The following ANKRD28 variants were observed in gnomAD, a reference collection of about 807,000 sequenced individuals.
ANKRD28 encodes the protein serine/threonine-protein phosphatase 6 regulatory ankyrin repeat subunit A.
Under a neutral mutation model 126.5 loss-of-function variants are expected in ANKRD28, and 44 were observed. That is an observed-to-expected ratio of 0.35 (90% CI 0.27 to 0.45). The LOEUF is 0.45. Among genes scored for constraint, ANKRD28 ranks in the 20% least tolerant of loss-of-function variants. ANKRD28 has a pLI of 1.00. For synonymous variants in ANKRD28, 442 were observed against 468.5 expected, an observed-to-expected ratio of 0.94 and a Z score of 0.73; for missense variants, 1,110 against 1,316.6, an observed-to-expected ratio of 0.84 and a Z score of 2.43.
chr3:15,711,361 C>T (rs1291346737), intron 11 of ANKRD28, 87 bp from the exon 12 acceptor site: 8 of 1,115,338 alleles, frequency 7.2e-6, no homozygotes, highest in Admixed American at 2.0e-5. Flanking sequence ...ATCACATCCT[C>T]CCCTCCAATC....
At chr3:15,809,160 CCTTA>C (rs1192907682) in intron 1 of ANKRD28, among the ~76,000 whole-genome samples, 1 of 152,168 alleles carries the variant, frequency 6.6e-6, no homozygotes, top group Admixed American at 6.5e-5. Flanking sequence ...AGTAGCCTTC[CCTTA>C]CTTCATCTCC....
intron 7 of ANKRD28, 43 bp from the exon 8 acceptor site, chr3:15,721,170 T>A (rs759746206): frequency 6.5e-7 from 1 of 1,545,532 alleles, no homozygotes; most frequent in Non-Finnish European, 8.8e-7. Flanking sequence ...GTAGTTTTGC[T>A]AATTATCAAT....
At chr3:15,802,937 T>C (rs2060493186), upstream of ANKRD28, among the ~76,000 whole-genome samples, 2 of 152,050 alleles carry the variant, frequency 1.3e-5, no homozygotes, top group African/African-American at 4.8e-5. Context: ...AAATAAATAC[T>C]ATATGACTGC....
At chr3:15,712,948 T>C (rs1382624337) in intron 10 of ANKRD28, among the ~76,000 whole-genome samples, 1 of 152,198 alleles carries the variant, frequency 6.6e-6, no homozygotes, top group Non-Finnish European at 1.5e-5. Flanking sequence ...CACATGTAAA[T>C]GTGATACAAA....
At chr3:15,728,317 C>T (rs1039254404) in intron 6 of ANKRD28, among the ~76,000 whole-genome samples, 12 of 152,040 alleles carry the variant, frequency 7.9e-5, no homozygotes, top group Admixed American at 6.5e-5. Context: ...TTTTTAGAAA[C>T]GGGGTCTTGC....
In ANKRD28 at chr3:15,739,430, G is replaced by A. The variant is rs185559658; in HGVS notation, c.352-2197C>T. ...CTCCACTTGGGGTCCCTGACTTCCC[G>A]CAACAGTAAATGAATGCCAAACTAC... On this transcript the variant is annotated intron_variant, in intron 4 of 27. Coordinates refer to ENST00000683139, the MANE Select transcript of ANKRD28 (RefSeq NM_001349278.2). Among the ~76,000 whole-genome samples the A allele has an allele frequency of 2.0e-3, 304 of 152,224 alleles. 5 individuals carry two copies. The highest frequency in any genetic ancestry group is 0.018 in the Admixed American group (272 of 15,288).
At position 15,669,259 on chromosome 3, in the gene ANKRD28, A is replaced by G. The variant is rs535588393; in HGVS notation, c.*1011T>C. ...TTTCAAAACTCATAGATCAGAATAA[A>G]CAAAAAATCCCCCAACCCATGGTGG... On this transcript the variant is annotated 3_prime_UTR_variant, in exon 28 of 28. Coordinates refer to ENST00000683139, the MANE Select transcript of ANKRD28 (RefSeq NM_001349278.2). 1 of 152,330 alleles carries G rather than the reference A, an allele frequency of 6.6e-6. No homozygotes were observed. The highest frequency in any genetic ancestry group is 1.9e-4 in the East Asian group (1 of 5,194). 9.4% of individuals were successfully genotyped at this position (152,330 alleles called of 1,614,324 possible). A position where few individuals can be genotyped will look rare whatever the true frequency, so the allele number is the denominator to read the frequency against.
chr3:15,767,008 G>A (rs752092192), intron 2 of ANKRD28, among the ~76,000 whole-genome samples: 6 of 152,114 alleles, frequency 3.9e-5, no homozygotes, highest in African/African-American at 4.8e-5. Context: ...AAAATATTTC[G>A]GGGGATTCGA....
At chr3:15,735,209 T>C (rs891054988) in intron 6 of ANKRD28, among the ~76,000 whole-genome samples, 4 of 152,128 alleles carry the variant, frequency 2.6e-5, no homozygotes, top group African/African-American at 9.7e-5. Flanking sequence ...GGAATTAATT[T>C]CAAACAGCTT....
chr3:15,676,161 CAGTGCA>C, intron 26 of ANKRD28, 172 bp from the exon 27 acceptor site: 3 of 471,570 alleles, frequency 6.4e-6, no homozygotes, highest in South Asian at 4.0e-5. Flanking sequence ...AACCTCTGTG[CAGTGCA>C]CTGTCACACC....
At chr3:15,675,035 C>A (rs1463192350) in intron 27 of ANKRD28, among the ~76,000 whole-genome samples, 1 of 152,016 alleles carries the variant, frequency 6.6e-6, no homozygotes, top group Non-Finnish European at 1.5e-5. Context: ...TTTGGGAGGC[C>A]AAGGCAGGCA....
intron 6 of ANKRD28, among the ~76,000 whole-genome samples, chr3:15,733,989 A>G (rs139083786): frequency 2.6e-5 from 4 of 152,224 alleles, no homozygotes; most frequent in Admixed American, 2.0e-4. Context: ...GTTTGTATCT[A>G]TTTTACATAT....
At chr3:15,682,557 G>A (rs1383342174) in intron 21 of ANKRD28, among the ~76,000 whole-genome samples, 1 of 152,148 alleles carries the variant, frequency 6.6e-6, no homozygotes, top group Admixed American at 6.5e-5. Flanking sequence ...GGAATAATAA[G>A]TATTCTTAAG....
chr3:15,735,828 G>A (rs2125122489), intron 5 of ANKRD28, among the ~76,000 whole-genome samples: 1 of 152,288 alleles, frequency 6.6e-6, no homozygotes, highest in Admixed American at 6.5e-5. Context: ...AGTCCAAAAT[G>A]TTAAAAGTGC....
intron 14 of ANKRD28, among the ~76,000 whole-genome samples, chr3:15,706,325 G>A (rs1186085639): frequency 6.6e-6 from 1 of 151,874 alleles, no homozygotes; most frequent in Admixed American, 6.6e-5. Context: ...TCACCTATGA[G>A]TGAGAACATG....
chr3:15,737,000 A>G (rs1490151854), intron 5 of ANKRD28, 33 bp downstream of exon 5: 3 of 1,605,550 alleles, frequency 1.9e-6, no homozygotes, highest in Non-Finnish European at 2.6e-6. Flanking sequence ...ACAGGAGGAG[A>G]GAAAAATAAT....
rs74451764 is a variant in ANKRD28 at position 15,854,672 on chromosome 3, G to T, written c.27+4705C>A. ...TATCTCACTTACCCTACATCTATGT[G>T]TTTTTTTTTTCCCCTCTTCTAAGAT... is the stretch of plus-strand genomic sequence containing the variant. On this transcript the variant is annotated intron_variant, in intron 1 of 27. Coordinates refer to the ANKRD28 transcript ENST00000399451. This position sits in a 1 kb window ranked among gnomAD's most constrained non-coding sequence, Gnocchi z 4.1. Among the ~76,000 whole-genome samples, 4 of 149,418 alleles carry T rather than the reference G, an allele frequency of 2.7e-5. No individual in the cohort carries two copies. Among genetic ancestry groups the T allele is most frequent in the Admixed American group, 2.7e-4 (4 of 14,982 alleles).
intron 1 of ANKRD28, among the ~76,000 whole-genome samples, chr3:15,840,652 C>A (rs1052808143): frequency 2.0e-5 from 3 of 152,178 alleles, no homozygotes; most frequent in African/African-American, 2.4e-5. Context: ...TGCAACTGAA[C>A]TATCCTAACC....
chr3:15,784,297 AAT>A (rs2059670511), intron 2 of ANKRD28, among the ~76,000 whole-genome samples: 2 of 152,076 alleles, frequency 1.3e-5, no homozygotes, highest in African/African-American at 4.8e-5. Context: ...GCAGCAATAT[AAT>A]GACAAATGCT....
Sources: gnomAD v4.1 joint callset for allele counts (sites outside exome capture counted in the v4.1 genomes callset) on GRCh38, gnomAD v4.1.1 for gene constraint, Gnocchi (gnomAD v3.1) non-coding constraint, MANE v1.5 for transcripts, NCBI Gene and HGNC (gene_info 2026-07-23, HGNC 2026-07-21) for gene names.